Variants in TRANK1 observed in about 807,000 individuals in gnomAD.
TRANK1 encodes TPR and ankyrin repeat-containing protein 1.
In TRANK1, 198 loss-of-function variants were observed where a neutral mutation model predicts 266.0. That is an observed-to-expected ratio of 0.74 (90% CI 0.66 to 0.84). The LOEUF (loss-of-function observed/expected upper bound fraction) is 0.84, where lower values mean the gene tolerates loss of function less well. TRANK1 is among the 40% of genes least tolerant of loss of function. The pLI is 0.00. For missense variants in TRANK1, 3,326 were observed against 3,634.6 expected (o/e 0.92, Z 2.18); for synonymous variants, 1,396 against 1,384.1 (o/e 1.01, Z -0.19).
At chr3:36,899,480 C>A (rs1461611733) in intron 3 of TRANK1, among the ~76,000 whole-genome samples, 1 of 152,094 alleles carries the variant, frequency 6.6e-6, no homozygotes, top group African/African-American at 2.4e-5. Flanking sequence ...CATAGTGAGA[C>A]CTTGTCTCTA....
At chr3:36,895,903 T>TTTATACTATCAA in intron 4 of TRANK1, 145 bp from the exon 5 acceptor site, 1 of 556,256 alleles carries the variant, frequency 1.8e-6, no homozygotes, top group Non-Finnish European at 3.1e-6. Context: ...TAGTATGAAG[T>TTTATACTATCAA]CCTTTATAAT....
intron 6 of TRANK1, 35 bp downstream of exon 6, chr3:36,892,866 T>TATAG (rs2079726256): frequency 1.5e-6 from 1 of 651,010 alleles, no homozygotes; most frequent in African/African-American, 2.0e-5. Flanking sequence ...TATATATATA[T>TATAG]ATATAGATAT....
rs907443171 is a variant in TRANK1 at position 36,868,860 on chromosome 3, C to A, written c.1079-4380G>T. On this transcript the variant is annotated intron_variant, in intron 9 of 23. Coordinates refer to ENST00000645898, the MANE Select transcript of TRANK1 (RefSeq NM_001329998.2). ...GCACAGCAGAAAGCAGCTGGCTCCC[C>A]ACTGGAGGACCAGAAAGATAAGGAT... is the stretch of plus-strand genomic sequence containing the variant. 4.7e-4 allele frequency among the ~76,000 whole-genome samples: 72 copies of A among 152,332 alleles called. 1 individual carries two copies. The highest frequency in any genetic ancestry group is 1.3e-3 in the East Asian group (7 of 5,188).
chr3:36,835,979 A>G (rs1375205947), intron 20 of TRANK1, among the ~76,000 whole-genome samples: 1 of 152,224 alleles, frequency 6.6e-6, no homozygotes, highest in Admixed American at 6.5e-5. Context: ...GGCAGTTTAC[A>G]GTGGGGTAAA....
At position 36,903,985 on chromosome 3, in the gene TRANK1, GT is replaced by G. The variant is rs535501893; in HGVS notation, c.156-711del. Among the ~76,000 whole-genome samples, 696 of 152,242 alleles carry G rather than the reference GT, an allele frequency of 4.6e-3. 4 individuals are homozygous for G. Among genetic ancestry groups the G allele is most frequent in the Non-Finnish European group, 7.9e-3 (538 of 68,026 alleles). ...TTTTATTTAATATCTTTGAGACAGA[GT>G]CTCACTCTGTCGCCCAAGCTGGAAT... On this transcript the variant is annotated intron_variant, in intron 2 of 23. Coordinates refer to ENST00000645898, the MANE Select transcript of TRANK1 (RefSeq NM_001329998.2).
intron 13 of TRANK1, among the ~76,000 whole-genome samples, chr3:36,854,848 C>T (rs1018616891): frequency 1.5e-4 from 22 of 151,022 alleles, no homozygotes; most frequent in Middle Eastern, 6.8e-3. Context: ...TTATATAGAA[C>T]GAGCAGGTAC....
At chr3:36,907,517 T>C (rs767423695) in intron 2 of TRANK1, among the ~76,000 whole-genome samples, 16 of 141,820 alleles carry the variant, frequency 1.1e-4, no homozygotes, top group Non-Finnish European at 2.2e-4. Flanking sequence ...CAGGATGGAG[T>C]GCAGTGGCGT....
At chr3:36,940,183 C>A (rs112685878) in intron 1 of TRANK1, among the ~76,000 whole-genome samples, 1 of 151,766 alleles carries the variant, frequency 6.6e-6, no homozygotes, top group African/African-American at 2.4e-5. Flanking sequence ...CCGCGCCTGG[C>A]CCACCATTAT....
rs763539292 is a variant in TRANK1 at position 36,838,411 on chromosome 3, C to G, written c.5478G>C (p.Glu1826Asp). 7 of 1,613,956 alleles carry G rather than the reference C, an allele frequency of 4.3e-6. No homozygotes were observed. The highest frequency in any genetic ancestry group is 1.6e-4 in the Middle Eastern group (1 of 6,084). ...LSLKCLSYAK[E>D]FQLSAQLCER... is the part of the protein sequence containing the mutation. ...CGCACAGCTGGGCAGAGAGCTGGAA[C>G]TCCTTGGCATAGCTCAGACACTTAA... The change falls in exon 20 of 24, where the codon GAG (glutamate) becomes GAC (aspartate). Residue 1826 changes from glutamate to aspartate, a missense_variant. Transcript: ENST00000645898.
intron 1 of TRANK1, among the ~76,000 whole-genome samples, chr3:36,927,905 A>G (rs1309534288): frequency 6.6e-6 from 1 of 152,178 alleles, no homozygotes; most frequent in Non-Finnish European, 1.5e-5. Context: ...TCAGAGAATC[A>G]TGCTGTCTTT....
intron 8 of TRANK1, among the ~76,000 whole-genome samples, chr3:36,878,417 G>A (rs930480352): frequency 2.6e-5 from 4 of 152,152 alleles, no homozygotes; most frequent in Admixed American, 1.3e-4. Flanking sequence ...ACAGCTGCAG[G>A]TCCTAAACTA....
At chr3:36,890,090 A>G (rs966555784) in intron 7 of TRANK1, 130 bp from the exon 8 acceptor site, 116 of 1,216,382 alleles carry the variant, frequency 9.5e-5, no homozygotes, top group Non-Finnish European at 1.3e-4. Flanking sequence ...GGACCACGCT[A>G]AGGTAACCAA....
chr3:36,899,304 T>A (rs1486577268), intron 3 of TRANK1, 45 bp from the exon 4 acceptor site: 2 of 1,506,526 alleles, frequency 1.3e-6, no homozygotes, highest in East Asian at 5.0e-5. Flanking sequence ...CACATCTCCT[T>A]TAACCTGCTG....
At chr3:36,834,126 T>C (rs898889890) in intron 21 of TRANK1, among the ~76,000 whole-genome samples, 3 of 152,246 alleles carry the variant, frequency 2.0e-5, no homozygotes, top group Non-Finnish European at 2.9e-5. Flanking sequence ...AAATTCCTTA[T>C]GCTTCAATCA....
chr3:36,912,432 C>G (rs1377234276), intron 1 of TRANK1, among the ~76,000 whole-genome samples: 2 of 152,174 alleles, frequency 1.3e-5, no homozygotes, highest in African/African-American at 4.8e-5. Flanking sequence ...TTGGCTGGCA[C>G]TGAGCACTCT....
chr3:36,870,962 T>TAAAAAAAAAA (rs563787088), intron 9 of TRANK1, among the ~76,000 whole-genome samples: 24 of 65,094 alleles, frequency 3.7e-4, no homozygotes, highest in Middle Eastern at 0.015. Context: ...ACAAGGAAAC[T>TAAAAAAAAAA]AAAAAAAAAA....
Position 36,856,225 on chromosome 3 carries a change from C to T in TRANK1, c.3497G>A (p.Gly1166Asp), listed in dbSNP as rs754362176. The T allele has an allele frequency of 1.1e-5, 18 of 1,613,728 alleles. No homozygotes were observed. The highest frequency in any genetic ancestry group is 1.3e-5 in the African/African-American group (1 of 74,898). The change falls in exon 13 of 24, where the codon GGT becomes GAT. Residue 1166 changes from glycine (G) to aspartate (D), a missense_variant. Coordinates refer to ENST00000645898, the MANE Select transcript of TRANK1 (RefSeq NM_001329998.2). ...QEYEACAGGA[G>D]VEPAGDGQAA... ...TTGGCCGTCCCCTGCTGGCTCCACA[C>T]CGGCTCCTCCTGCGCAGGCTTCATA...
chr3:36,856,811 G>A lies in TRANK1; in HGVS notation c.2911C>T (p.Arg971Trp), dbSNP rs755918039. 1.3e-5 allele frequency: 21 copies of A among 1,613,790 alleles called. No homozygotes were observed. In the East Asian group the frequency reaches 1.6e-4, roughly 12 times the overall value. ...TTATTGATACCTTTCAGCTTCTTCC[G>A]CAGGACACAGGACAAGCCCCGGTTG... is the stretch of plus-strand genomic sequence containing the variant. ...AYNRGLSCVLRKKLKGINKGQ... is the reference protein window; with the variant it reads ...AYNRGLSCVLWKKLKGINKGQ... Residue 971 changes from arginine to tryptophan, a missense_variant, in exon 13 of 24, where the codon CGG (arginine) becomes TGG (tryptophan). Coordinates refer to ENST00000645898, the MANE Select transcript of TRANK1 (RefSeq NM_001329998.2).
At chr3:36,864,636 C>T (rs1035354553) in intron 9 of TRANK1, among the ~76,000 whole-genome samples, 156 bp from the exon 10 acceptor site, 2 of 152,222 alleles carry the variant, frequency 1.3e-5, no homozygotes, top group African/African-American at 4.8e-5. Context: ...CTTTCCCCTC[C>T]ACCCTCCCCT....
Sources: allele counts gnomAD v4.1 joint callset (sites outside exome capture counted in the v4.1 genomes callset), GRCh38; gene constraint gnomAD v4.1.1; transcripts MANE v1.5; gene names NCBI Gene and HGNC (gene_info 2026-07-23, HGNC 2026-07-21).